The following MACROD2 variants were observed in gnomAD, a reference collection of about 807,000 sequenced individuals.
MACROD2 encodes the protein ADP-ribose glycohydrolase MACROD2.
Under a neutral mutation model 70.4 loss-of-function variants are expected in MACROD2, and 36 were observed. The observed-to-expected ratio is 0.51, with a 90% CI of 0.39 to 0.68. The LOEUF is 0.68. Ranked by LOEUF, MACROD2 falls within the 30% of genes least tolerant of loss-of-function variation. MACROD2 has a pLI of 0.00. For missense variants in MACROD2, 496 were observed against 538.4 expected (o/e 0.92, Z 0.78); for synonymous variants, 172 against 178.8 (o/e 0.96, Z 0.30).
At chr20:14,467,922 T>A (rs1174689525) in intron 3 of MACROD2, among the ~76,000 whole-genome samples, 1 of 152,128 alleles carries the variant, frequency 6.6e-6, no homozygotes, top group Non-Finnish European at 1.5e-5. Context: ...GTGTGGTTTT[T>A]AATGAGTTTC....
chr20:14,591,719 G>C (rs1408260996), intron 4 of MACROD2, among the ~76,000 whole-genome samples: 1 of 152,320 alleles, frequency 6.6e-6, no homozygotes, highest in East Asian at 1.9e-4. Flanking sequence ...TTATAAGACA[G>C]GTTCTGCAGA....
At chr20:15,954,784 A>G (rs564222779) in intron 12 of MACROD2, among the ~76,000 whole-genome samples, 245 of 152,352 alleles carry the variant, frequency 1.6e-3, no homozygotes, top group Middle Eastern at 6.8e-3. Flanking sequence ...TATCAGCAAC[A>G]ATAATATCAG....
At chr20:15,622,403 A>T (rs991938491) in intron 8 of MACROD2, among the ~76,000 whole-genome samples, 2 of 152,180 alleles carry the variant, frequency 1.3e-5, no homozygotes, top group African/African-American at 4.8e-5. Flanking sequence ...AGTCCAAAAA[A>T]TGGCATTACT....
In MACROD2 at chr20:15,708,177, A is replaced by G. The variant is rs1001943572; in HGVS notation, c.646-154568A>G. On this transcript the variant is annotated intron_variant, in intron 8 of 17. Transcript: ENST00000684519. ...TTTATTCATCAAAATACATGTTGAGACTACTGTATATCATGGCCTATTCAA... is the reference window on the plus strand; with the variant it reads ...TTTATTCATCAAAATACATGTTGAGGCTACTGTATATCATGGCCTATTCAA... Among the ~76,000 whole-genome samples the G allele has an allele frequency of 7.2e-5, 11 of 152,148 alleles. 1 individual carries two copies. The highest frequency in any genetic ancestry group is 2.7e-4 in the African/African-American group (11 of 41,424).
intron 5 of MACROD2, among the ~76,000 whole-genome samples, chr20:14,963,192 G>A (rs1297310006): frequency 1.3e-5 from 2 of 152,128 alleles, no homozygotes; most frequent in East Asian, 1.9e-4. Flanking sequence ...AGATTATTGA[G>A]TACCGTAGTA....
At chr20:14,365,662 G>A (rs1433588850) in intron 3 of MACROD2, among the ~76,000 whole-genome samples, 1 of 151,868 alleles carries the variant, frequency 6.6e-6, no homozygotes, top group Non-Finnish European at 1.5e-5. Flanking sequence ...TCTGCACTTA[G>A]TTTTCTGTTC....
intron 8 of MACROD2, among the ~76,000 whole-genome samples, chr20:15,524,742 G>T (rs6110653): frequency 6.6e-5 from 10 of 152,058 alleles, no homozygotes; most frequent in East Asian, 3.9e-4. Context: ...GCACTATACC[G>T]TTCCTTGAGC....
intron 7 of MACROD2, among the ~76,000 whole-genome samples, chr20:15,456,245 C>G (rs1228985101): frequency 2.6e-5 from 4 of 152,274 alleles, no homozygotes; most frequent in African/African-American, 9.6e-5. Context: ...ATGACTGACT[C>G]TTCCTAAAAC....
intron 5 of MACROD2, among the ~76,000 whole-genome samples, chr20:14,846,921 T>C (rs914359175): frequency 1.3e-5 from 2 of 152,194 alleles, no homozygotes; most frequent in Non-Finnish European, 2.9e-5. Flanking sequence ...TAATTAACAA[T>C]AATTAAAATT....
chr20:15,254,930 T>A (rs2077185839), intron 6 of MACROD2, among the ~76,000 whole-genome samples: 1 of 40,060 alleles, frequency 2.5e-5, no homozygotes, highest in African/African-American at 1.5e-4. Flanking sequence ...AAAGCACACC[T>A]TTTTTTTTTT....
intron 8 of MACROD2, among the ~76,000 whole-genome samples, chr20:15,783,202 TC>T (rs1156583797): frequency 6.6e-6 from 1 of 152,156 alleles, no homozygotes; most frequent in Non-Finnish European, 1.5e-5. Flanking sequence ...ATTGTTTGTC[TC>T]GATTCTCCTT....
At chr20:14,675,759 T>C (rs1027284733) in intron 4 of MACROD2, among the ~76,000 whole-genome samples, 5 of 151,570 alleles carry the variant, frequency 3.3e-5, no homozygotes, top group Non-Finnish European at 7.4e-5. Flanking sequence ...CACAGGCAAA[T>C]TGGATAGAGT....
chr20:14,106,230 G>C (rs952488896), intron 3 of MACROD2, among the ~76,000 whole-genome samples: 8 of 152,156 alleles, frequency 5.3e-5, no homozygotes, highest in African/African-American at 1.9e-4. Flanking sequence ...AGACCCCTTG[G>C]GTTTTAAGTG....
intron 6 of MACROD2, among the ~76,000 whole-genome samples, chr20:15,292,987 C>A (rs751265098): frequency 2.0e-5 from 3 of 152,134 alleles, no homozygotes; most frequent in Non-Finnish European, 2.9e-5. Context: ...TTTCCTGCTT[C>A]CATACCATGG....
At chr20:14,273,645 A>T (rs1396882279) in intron 3 of MACROD2, among the ~76,000 whole-genome samples, 1 of 150,520 alleles carries the variant, frequency 6.6e-6, no homozygotes, top group East Asian at 1.9e-4. Flanking sequence ...AACTAAAATC[A>T]GAGCAGAACT....
At chr20:14,419,333 C>T (rs571201668) in intron 3 of MACROD2, among the ~76,000 whole-genome samples, 79 of 152,246 alleles carry the variant, frequency 5.2e-4, no homozygotes, top group Admixed American at 4.8e-3. Flanking sequence ...GGATTACAGG[C>T]GTGATCCACT....
intron 5 of MACROD2, among the ~76,000 whole-genome samples, chr20:14,711,747 T>C (rs919773654): frequency 6.6e-6 from 1 of 152,208 alleles, no homozygotes; most frequent in Non-Finnish European, 1.5e-5. Context: ...AATTGACTTA[T>C]AGAAACAGTT....
chr20:14,061,712 C>G (rs1179432714), intron 2 of MACROD2, among the ~76,000 whole-genome samples: 3 of 152,134 alleles, frequency 2.0e-5, no homozygotes, highest in Non-Finnish European at 4.4e-5. Flanking sequence ...TTACCAGCAT[C>G]TTAAGCATAG....
chr20:14,629,040 TC>T (rs1568708859), intron 4 of MACROD2: 2 of 152,200 alleles, frequency 1.3e-5, no homozygotes, highest in African/African-American at 4.8e-5. Flanking sequence ...AAAAAAGCCT[TC>T]CTAATATGCC....
Sources: gnomAD v4.1 joint callset for allele counts (sites outside exome capture counted in the v4.1 genomes callset) on GRCh38, gnomAD v4.1.1 for gene constraint, MANE v1.5 for transcripts, NCBI Gene and HGNC (gene_info 2026-07-23, HGNC 2026-07-21) for gene names.